The following ZNF609 variants were observed in gnomAD, a reference collection of about 807,000 sequenced individuals.
ZNF609 encodes zinc finger protein 609.
Under a neutral mutation model 109.5 loss-of-function variants are expected in ZNF609, and 11 were observed. That is an observed-to-expected ratio of 0.10 (90% CI 0.06 to 0.17). The LOEUF (loss-of-function observed/expected upper bound fraction) is 0.17. Among genes scored for constraint, ZNF609 ranks in the 10% least tolerant of loss-of-function variants. The pLI, the probability that ZNF609 is intolerant of heterozygous loss-of-function variation, is 1.00. For synonymous variants in ZNF609, 646 were observed against 662.0 expected, an observed-to-expected ratio of 0.98 and a Z score of 0.37; for missense variants, 1,559 against 1,772.4, an observed-to-expected ratio of 0.88 and a Z score of 2.16.
intron 2 of ZNF609, among the ~76,000 whole-genome samples, chr15:64,518,045 G>A (rs1595705444): frequency 6.6e-6 from 1 of 152,318 alleles, no homozygotes. Flanking sequence ...GCCTCCCAAA[G>A]TGCTGGGATT....
chr15:64,663,744 C>A (rs759075125), intron 3 of ZNF609, among the ~76,000 whole-genome samples: 1 of 152,084 alleles, frequency 6.6e-6, no homozygotes, highest in Non-Finnish European at 1.5e-5. Context: ...GGTACCAGAT[C>A]CCTGAGAGAA....
chr15:64,504,422 C>G (rs574230336), intron 2 of ZNF609, among the ~76,000 whole-genome samples: 1 of 152,252 alleles, frequency 6.6e-6, no homozygotes, highest in East Asian at 1.9e-4. Context: ...CTTAACAAAT[C>G]TTTAACTGTC....
intron 2 of ZNF609, among the ~76,000 whole-genome samples, chr15:64,585,610 T>G (rs1895182680): frequency 6.6e-6 from 1 of 152,198 alleles, no homozygotes; most frequent in African/African-American, 2.4e-5. Flanking sequence ...TAGTTTCATC[T>G]CTTAATCTCT....
In ZNF609 at chr15:64,582,153, A is replaced by C. The variant is rs1466603353; in HGVS notation, c.748-40674A>C. On this transcript the variant is annotated intron_variant, in intron 2 of 9. Coordinates refer to ENST00000326648, the MANE Select transcript of ZNF609 (RefSeq NM_015042.2). ...TGCACCAGGACCAAGCTGTTTTTGT[A>C]AATAAAGTTTGTTTAAATATAGCCT... Among the ~76,000 whole-genome samples the C allele has an allele frequency of 2.6e-5, 4 of 152,310 alleles. No individual in the cohort carries two copies. The East Asian group carries it at 7.7e-4, about 29-fold the overall frequency.
chr15:64,529,270 C>T, intron 2 of ZNF609: 1 of 714,692 alleles, frequency 1.4e-6, no homozygotes. Flanking sequence ...TGGTTCACGC[C>T]CATCACAAAC....
chr15:64,493,158 G>A (rs1418165133), intron 1 of ZNF609, among the ~76,000 whole-genome samples: 1 of 152,002 alleles, frequency 6.6e-6, no homozygotes, highest in African/African-American at 2.4e-5. Flanking sequence ...GCTCTTTGAA[G>A]CCTTCTTGGA....
chr15:64,592,677 G>T (rs1895320496), intron 2 of ZNF609, among the ~76,000 whole-genome samples: 1 of 151,960 alleles, frequency 6.6e-6, no homozygotes, highest in African/African-American at 2.4e-5. Flanking sequence ...AGCATTCTGG[G>T]AGGCCAAAGC....
At chr15:64,607,640 A>C (rs1327516337) in intron 2 of ZNF609, among the ~76,000 whole-genome samples, 4 of 150,316 alleles carry the variant, frequency 2.7e-5, no homozygotes, top group African/African-American at 9.8e-5. Flanking sequence ...GAGTAGCTGG[A>C]ATTACAGGCA....
chr15:64,629,069 C>T (rs1298314197), intron 3 of ZNF609, among the ~76,000 whole-genome samples: 1 of 152,132 alleles, frequency 6.6e-6, no homozygotes, highest in Non-Finnish European at 1.5e-5. Flanking sequence ...ATTCTTGAAA[C>T]TCTCCTCTCT....
chr15:64,562,516 A>G (rs1894696078), intron 2 of ZNF609, among the ~76,000 whole-genome samples: 1 of 152,192 alleles, frequency 6.6e-6, no homozygotes, highest in Admixed American at 6.6e-5. Context: ...GAAGGCACTA[A>G]TGTGACACCC....
At chr15:64,548,383 A>C (rs1193310718) in intron 2 of ZNF609, among the ~76,000 whole-genome samples, 3 of 152,226 alleles carry the variant, frequency 2.0e-5, no homozygotes, top group Non-Finnish European at 4.4e-5. Flanking sequence ...CAAAGAAACA[A>C]CACTACACCA....
intron 2 of ZNF609, among the ~76,000 whole-genome samples, chr15:64,577,993 C>A (rs905123654): frequency 6.6e-6 from 1 of 151,308 alleles, no homozygotes; most frequent in Admixed American, 6.6e-5. Context: ...ACCCCCCTTC[C>A]CTGCAAGAAA....
intron 3 of ZNF609, chr15:64,631,297 AGT>A (rs1346433133): frequency 1.5e-6 from 1 of 671,594 alleles, no homozygotes; most frequent in Non-Finnish European, 2.8e-6. Flanking sequence ...GCTTTTAGAG[AGT>A]GAGTGCTTAA....
In ZNF609 at chr15:64,674,773, C is replaced by G; in HGVS notation, c.1919C>G (p.Pro640Arg). The G allele has an allele frequency of 6.2e-7, 1 of 1,613,908 alleles. No individual in the cohort carries two copies. Among genetic ancestry groups the G allele is most frequent in the Non-Finnish European group, 8.5e-7 (1 of 1,180,000 alleles). The part of the protein sequence containing the change: ...KCMEKEKCKK[P>R]SSLKPEKIPS... ...ATGGAAAAAGAAAAATGTAAAAAAC[C>G]CTCTAGTTTAAAACCTGAAAAGATT... Residue 640 changes from proline to arginine, a missense_variant, in exon 5 of 10, where the codon CCC becomes CGC. Physicochemically the swap from Pro to Arg is moderately radical, Grantham distance 103 (BLOSUM62 -2). Around this residue, in one of 4 missense-constraint regions of ZNF609, gnomAD observed 1,204 missense variants for 1,314.1 expected, o/e 0.92. Transcript: ENST00000326648.
At chr15:64,671,176 C>T (rs1280845585) in intron 4 of ZNF609, 1 of 140,778 alleles carries the variant, frequency 7.1e-6, no homozygotes, top group Non-Finnish European at 1.5e-5. Flanking sequence ...CGCCACTGCA[C>T]TCCAGCCTGG....
rs774186812 is a variant in ZNF609 at position 64,676,213 on chromosome 15, G to A, written c.3359G>A (p.Cys1120Tyr). The change falls in exon 5 of 10, where the codon TGT becomes TAT. Residue 1120 changes from cysteine to tyrosine, a missense_variant. This residue lies in a region of ZNF609 where 1,204 missense variants were observed against 1,314.1 expected (regional missense o/e 0.92). Transcript: ENST00000326648. ...TCTGAGGCCAAGACAGGTGCTGAGT[G>A]TGGTCGACAGGCAGAGATGGATCCA... ...EASEAKTGAE[C>Y]GRQAEMDPIL... The A allele has an allele frequency of 1.2e-6, 2 of 1,613,586 alleles. No individual in the cohort carries two copies. The highest frequency in any genetic ancestry group is 1.7e-6 in the Non-Finnish European group (2 of 1,179,844).
intron 1 of ZNF609, among the ~76,000 whole-genome samples, chr15:64,467,396 T>G (rs994932508): frequency 2.0e-5 from 3 of 152,252 alleles, no homozygotes; most frequent in Admixed American, 2.0e-4. Flanking sequence ...GCATCACCTT[T>G]GTGGATTCCT....
intron 1 of ZNF609, among the ~76,000 whole-genome samples, chr15:64,491,690 TAAA>T: frequency 6.6e-6 from 1 of 151,532 alleles, no homozygotes; most frequent in African/African-American, 2.4e-5. Flanking sequence ...CTCTCAAAAA[TAAA>T]AAAATTAGCC....
intron 3 of ZNF609, among the ~76,000 whole-genome samples, chr15:64,660,928 G>C (rs1896565729): frequency 6.6e-6 from 1 of 151,884 alleles, no homozygotes; most frequent in South Asian, 2.1e-4. Flanking sequence ...TTTCTCCATA[G>C]CTTATCACTC....
Sources: gnomAD v4.1 joint callset for allele counts (sites outside exome capture counted in the v4.1 genomes callset) on GRCh38, gnomAD v4.1.1 for gene constraint, gnomAD v4.1.1 regional missense constraint, MANE v1.5 for transcripts, NCBI Gene and HGNC (gene_info 2026-07-23, HGNC 2026-07-21) for gene names.